CHAF1A: variants seen among roughly 807,000 people sequenced by gnomAD.
The protein encoded by CHAF1A is chromatin assembly factor 1 subunit A.
A neutral mutation model predicts 93.2 loss-of-function variants in CHAF1A; 5 were observed. The ratio of observed to expected loss-of-function variants is 0.05; its 90% confidence interval spans 0.03 to 0.11. The LOEUF (loss-of-function observed/expected upper bound fraction) is 0.11, where lower values mean the gene tolerates loss of function less well. Ranked by LOEUF, CHAF1A falls within the 10% of genes least tolerant of loss-of-function variation. The pLI, the probability that CHAF1A is intolerant of heterozygous loss-of-function variation, is 1.00. For synonymous variants in CHAF1A, 504 were observed against 510.3 expected (o/e 0.99, Z 0.17); for missense variants, 1,102 against 1,259.9 (o/e 0.87, Z 1.90).
In CHAF1A at chr19:4,409,294, G is replaced by A. The variant is rs1441889515; in HGVS notation, c.495G>A (p.Gln165=). 2.5e-6 allele frequency: 4 copies of A among 1,614,134 alleles called. No individual in the cohort carries two copies. Among genetic ancestry groups the A allele is most frequent in the Non-Finnish European group, 3.4e-6 (4 of 1,180,006 alleles). ...GDQQGLLKAI[Q]NDKLAFPGET... ...AGCAGGGGTTGTTGAAGGCCATTCA[G>A]AACGACAAGTTGGCATTTCCTGGAG... The change falls in exon 3 of 15, where the codon CAG becomes CAA. Residue 165 remains glutamine, a synonymous_variant. Coordinates refer to ENST00000301280, the MANE Select transcript of CHAF1A (RefSeq NM_005483.3).
chr19:4,407,461 A>AG (rs11392878), intron 2 of CHAF1A, among the ~76,000 whole-genome samples: 49,026 of 150,616 alleles, frequency 0.33, 8,365 homozygotes, highest in East Asian at 0.59. Flanking sequence ...TGAGGCCAGG[A>AG]GAAAAAAAAA....
chr19:4,409,867 C>T (rs1193184433), intron 3 of CHAF1A, 108 bp downstream of exon 3: 46 of 1,303,928 alleles, frequency 3.5e-5, no homozygotes, highest in South Asian at 5.7e-5. Context: ...AGCGGGGCCA[C>T]GGGCTGGGTC....
Position 4,417,941 on chromosome 19 carries a change from G to A in CHAF1A, c.961-79G>A, listed in dbSNP as rs550948760. 43 of 1,010,404 alleles carry A rather than the reference G, an allele frequency of 4.3e-5. No individual in the cohort carries two copies. In the African/African-American group the frequency reaches 5.4e-4, roughly 13 times the overall value. 62.6% of individuals were successfully genotyped at this position (1,010,404 alleles called of 1,614,324 possible). On this transcript the variant is annotated intron_variant, in intron 3 of 14. Coordinates refer to ENST00000301280, the MANE Select transcript of CHAF1A (RefSeq NM_005483.3). Reference sequence around the variant, plus strand: ...TTTTGGTTCTGTTGGTGGAAAAACTGATCACCTGGAAAGGTTTCTCTTTTT... The same window carrying A: ...TTTTGGTTCTGTTGGTGGAAAAACTAATCACCTGGAAAGGTTTCTCTTTTT...
intron 4 of CHAF1A, among the ~76,000 whole-genome samples, chr19:4,421,263 G>C (rs941127020): frequency 2.0e-5 from 3 of 151,786 alleles, no homozygotes; most frequent in African/African-American, 2.4e-5. Context: ...TGGTAGACTT[G>C]GGGTTTCACC....
At position 4,432,177 on chromosome 19, in the gene CHAF1A, G is replaced by A. The variant is rs766858615; in HGVS notation, c.2173G>A (p.Ala725Thr). The change falls in exon 12 of 15, where the codon GCC (alanine) becomes ACC (threonine). Residue 725 changes from alanine to threonine, a missense_variant. Coordinates refer to ENST00000301280, the MANE Select transcript of CHAF1A (RefSeq NM_005483.3). ...GGCCCAGGAGGAGCAGACGCCCAAG[G>A]CCTCCAAGCGGGAGAGGAGAGACGA... Reference protein sequence around the residue: ...LPAQEEQTPKASKRERRDEQI... With the variant: ...LPAQEEQTPKTSKRERRDEQI... 1.1e-5 allele frequency: 18 copies of A among 1,611,028 alleles called. No individual in the cohort carries two copies. Among genetic ancestry groups the A allele is most frequent in the Non-Finnish European group, 1.4e-5 (17 of 1,179,104 alleles).
rs1320799529 is a variant in CHAF1A at position 4,409,681 on chromosome 19, C to G, written c.882C>G (p.Ser294Arg). The G allele has an allele frequency of 6.2e-7, 1 of 1,614,082 alleles. No individual in the cohort carries two copies. The highest frequency in any genetic ancestry group is 1.3e-5 in the African/African-American group (1 of 74,930). The change falls in exon 3 of 15, where the codon AGC becomes AGG. Residue 294 changes from serine to arginine, a missense_variant. This residue lies in a region of CHAF1A where 379 missense variants were observed against 365.7 expected (regional missense o/e 1.04). Transcript: ENST00000301280. ...HSSLSSPSST[S>R]SPEGPPAPPK... ...CCCTGAGCTCTCCCTCTTCCACCAG[C>G]TCGCCCGAGGGGCCGCCTGCTCCCC...
In CHAF1A at chr19:4,430,629, A is replaced by T; in HGVS notation, c.1935A>T (p.Glu645Asp). Residue 645 changes from glutamate (E) to aspartate (D), a missense_variant, in exon 11 of 15, where the codon GAA becomes GAT. Physicochemically the swap from Glu to Asp is conservative, Grantham distance 45. Around this residue, in one of 6 missense-constraint regions of CHAF1A, gnomAD observed 335 missense variants for 361.9 expected, o/e 0.93. Coordinates refer to ENST00000301280, the MANE Select transcript of CHAF1A (RefSeq NM_005483.3). ...FVPHGYLSED[E>D]GVTEECADPE... is the part of the protein sequence containing the mutation. The stretch of plus-strand genomic sequence containing the variant: ...CCCATGGGTACCTGTCTGAGGACGA[A>T]GGTGTGACAGAGGTGAGGGAGTGAA... The T allele has an allele frequency of 6.2e-7, 1 of 1,613,624 alleles. No homozygotes were observed. The highest frequency in any genetic ancestry group is 8.5e-7 in the Non-Finnish European group (1 of 1,179,910).
At chr19:4,420,757 G>A (rs1036652299) in intron 4 of CHAF1A, among the ~76,000 whole-genome samples, 4 of 152,040 alleles carry the variant, frequency 2.6e-5, no homozygotes, top group African/African-American at 7.2e-5. Flanking sequence ...CCTGGGCAAC[G>A]TAGTGTCTCT....
intron 13 of CHAF1A, among the ~76,000 whole-genome samples, chr19:4,436,148 A>AAAG (rs779876156): frequency 3.3e-5 from 5 of 151,926 alleles, no homozygotes; most frequent in African/African-American, 9.7e-5. Context: ...CCCCAAAAAA[A>AAAG]AAAGAAAAGA....
At position 4,428,718 on chromosome 19, in the gene CHAF1A, G is replaced by A. The variant is rs1379565067; in HGVS notation, c.1432G>A (p.Val478Ile). The A allele has an allele frequency of 2.5e-6, 4 of 1,614,170 alleles. No homozygotes were observed. Among genetic ancestry groups the A allele is most frequent in the Non-Finnish European group, 3.4e-6 (4 of 1,180,026 alleles). The part of the protein sequence containing the change: ...FAPFEIKEHM[V>I]LAPRRRTAFH... ...CCCCTTTGAAATTAAAGAGCACATG[G>A]TCCTGGCCCCTCGGCGTCGGACCGC... The change falls in exon 8 of 15, where the codon GTC becomes ATC. Residue 478 changes from valine to isoleucine, a missense_variant. This residue lies in a region of CHAF1A where 165 missense variants were observed against 243.9 expected (regional missense o/e 0.68). Transcript: ENST00000301280.
chr19:4,439,591 G>A (rs1974349346), intron 13 of CHAF1A, among the ~76,000 whole-genome samples: 1 of 152,074 alleles, frequency 6.6e-6, no homozygotes, highest in African/African-American at 2.4e-5. Flanking sequence ...CCTGTGTGGA[G>A]GGAGGGCCCA....
At chr19:4,435,228 C>G (rs376049154) in intron 13 of CHAF1A, among the ~76,000 whole-genome samples, 155 of 151,350 alleles carry the variant, frequency 1.0e-3, no homozygotes, top group African/African-American at 3.6e-3. Context: ...GTAGCTGGGA[C>G]TACAGGTGCC....
intron 3 of CHAF1A, among the ~76,000 whole-genome samples, chr19:4,412,918 G>A (rs556663498): frequency 1.6e-4 from 24 of 152,272 alleles, no homozygotes; most frequent in African/African-American, 2.2e-4. Flanking sequence ...AGCGATTATC[G>A]GGAGGCCTCC....
chr19:4,443,061 C>T lies in CHAF1A; in HGVS notation c.*36C>T, dbSNP rs1477117941. On this transcript the variant is annotated 3_prime_UTR_variant, in exon 15 of 15. Transcript: ENST00000301280. ...GACGTATGTAGAATGCTTAGGGTGT[C>T]CTCCCCACAGAGCAGATACTTGAAC... 4 of 1,326,044 alleles carry T rather than the reference C, an allele frequency of 3.0e-6. No individual in the cohort carries two copies. Among genetic ancestry groups the T allele is most frequent in the Admixed American group, 2.0e-5 (1 of 50,866 alleles). The allele number at this position is 1,326,044 out of a possible 1,614,324, so 82.1% of individuals were successfully genotyped here. A position where few individuals can be genotyped will look rare whatever the true frequency, so the allele number is the denominator to read the frequency against.
At chr19:4,424,725 C>G (rs1479875106) in intron 7 of CHAF1A, among the ~76,000 whole-genome samples, 1 of 152,228 alleles carries the variant, frequency 6.6e-6, no homozygotes, top group Non-Finnish European at 1.5e-5. Context: ...ACGTCCACCT[C>G]CCGGGTTCCA....
downstream of CHAF1A, chr19:4,447,680 C>A (rs1006115308): frequency 1.0e-5 from 16 of 1,570,050 alleles, no homozygotes; most frequent in African/African-American, 1.4e-5. Flanking sequence ...CACCCGGCCC[C>A]TCTGTGCCTC....
chr19:4,416,628 C>T (rs750577413), intron 3 of CHAF1A, among the ~76,000 whole-genome samples: 4 of 144,050 alleles, frequency 2.8e-5, no homozygotes, highest in Admixed American at 7.7e-5. Flanking sequence ...CGGTGGCTCA[C>T]GCCTGAATTC....
chr19:4,434,873 C>A (rs1241091021), intron 13 of CHAF1A, among the ~76,000 whole-genome samples: 2 of 152,120 alleles, frequency 1.3e-5, no homozygotes, highest in African/African-American at 4.8e-5. Flanking sequence ...CTGTGTGATT[C>A]CAGCCTTATG....
At chr19:4,446,344 C>T (rs775220787), downstream of CHAF1A, 7 of 1,570,268 alleles carry the variant, frequency 4.5e-6, no homozygotes, top group South Asian at 1.1e-5. Flanking sequence ...ACTTGCGCAG[C>T]CCCCGCTGCT....
Sources: gnomAD v4.1 joint callset for allele counts (sites outside exome capture counted in the v4.1 genomes callset) on GRCh38, gnomAD v4.1.1 for gene constraint, gnomAD v4.1.1 regional missense constraint, MANE v1.5 for transcripts, NCBI Gene and HGNC (gene_info 2026-07-23, HGNC 2026-07-21) for gene names.